Variants in SBK2 observed in about 807,000 individuals in gnomAD.
The protein encoded by SBK2 is SH3 domain binding kinase family member 2, also known as serine/threonine-protein kinase SBK2.
SBK2 carries 18 observed loss-of-function variants against 15.9 expected under a neutral mutation model. The observed-to-expected ratio is 1.13, with a 90% CI of 0.78 to 1.68. The LOEUF is 1.68. Among genes scored for constraint, SBK2 ranks in the 40% most tolerant of loss-of-function variants. The pLI is 0.00. For synonymous variants in SBK2, 284 were observed against 246.8 expected, an observed-to-expected ratio of 1.15 and a Z score of -1.41; for missense variants, 581 against 510.9, an observed-to-expected ratio of 1.14 and a Z score of -1.32.
In SBK2 at chr19:55,531,267, A is replaced by G. The variant is rs1988255530; in HGVS notation, c.332T>C (p.Leu111Pro). Residue 111 changes from leucine to proline, a missense_variant, in exon 3 of 4, where the codon CTC becomes CCC. Leu to Pro is a moderately conservative substitution (Grantham distance 98, BLOSUM62 -3). Transcript: ENST00000413299. The stretch of plus-strand genomic sequence containing the variant: ...GATGGCTGAGTGCGCGCCCAGCGAG[A>G]GCCCCACACAGAACTCGTACAGGAA... ...RGFLYEFCVGLSLGAHSAIVT... is the reference protein window; with the variant it reads ...RGFLYEFCVGPSLGAHSAIVT... 1 of 1,613,398 alleles carries G rather than the reference A, an allele frequency of 6.2e-7. No individual in the cohort carries two copies. Among genetic ancestry groups the G allele is most frequent in the African/African-American group, 1.3e-5 (1 of 74,838 alleles).
intron 1 of SBK2, among the ~76,000 whole-genome samples, chr19:55,536,518 G>T (rs760314510): frequency 7.0e-6 from 1 of 143,314 alleles, no homozygotes; most frequent in African/African-American, 2.5e-5. Context: ...GCCGCCACCC[G>T]CCCACCCTGA....
intron 3 of SBK2, 123 bp downstream of exon 3, chr19:55,531,020 G>C (rs1988243278): frequency 2.4e-6 from 2 of 849,322 alleles, no homozygotes; most frequent in African/African-American, 1.7e-5. Context: ...GGGGCCTCCG[G>C]GGGGTAGGGG....
At chr19:55,531,096 G>A in intron 3 of SBK2, 47 bp downstream of exon 3, 2 of 1,556,348 alleles carry the variant, frequency 1.3e-6, no homozygotes, top group South Asian at 2.2e-5. Flanking sequence ...GACGTTCCTG[G>A]GAGGCCGGTG....
Position 55,530,091 on chromosome 19 carries a change from G to T in SBK2, c.689C>A (p.Ala230Glu). Residue 230 changes from alanine (A) to glutamate (E), a missense_variant, in exon 4 of 4, where the codon GCG (alanine) becomes GAG (glutamate). Coordinates refer to ENST00000413299, the MANE Select transcript of SBK2 (RefSeq NM_001370096.2). ...CAGGCCCTCGGGGAGCGGCGGGGGC[G>T]CGCAGAGCTCGGGGGCCGTGTAGGG... ...PIPYTAPELC[A>E]PPPLPEGLPI... The T allele has an allele frequency of 6.9e-7, 1 of 1,443,570 alleles. No individual in the cohort carries two copies. Among genetic ancestry groups the T allele is most frequent in the Non-Finnish European group, 9.1e-7 (1 of 1,104,064 alleles). 89.4% of individuals were successfully genotyped at this position (1,443,570 alleles called of 1,614,324 possible).
chr19:55,529,896 C>T lies in SBK2; in HGVS notation c.884G>A (p.Gly295Asp). The part of the protein sequence containing the change: ...QPRDRPQPWF[G>D]LAAAADALLR... ...AAGCGCGTCGGCCGCGGCGGCCAGG[C>T]CGAACCAGGGCTGAGGGCGGTCCCG... Residue 295 changes from glycine (G) to aspartate (D), a missense_variant, in exon 4 of 4, where the codon GGC becomes GAC. Physicochemically the swap from Gly to Asp is moderately conservative, Grantham distance 94. Coordinates refer to ENST00000413299, the MANE Select transcript of SBK2 (RefSeq NM_001370096.2). The T allele has an allele frequency of 6.4e-7, 1 of 1,573,832 alleles. No individual in the cohort carries two copies. Among genetic ancestry groups the T allele is most frequent in the Non-Finnish European group, 8.6e-7 (1 of 1,162,858 alleles).
At chr19:55,533,448 G>C (rs551615456) in intron 2 of SBK2, among the ~76,000 whole-genome samples, 1 of 151,758 alleles carries the variant, frequency 6.6e-6, no homozygotes, top group Non-Finnish European at 1.5e-5. Context: ...AGGAGTTCAA[G>C]ACCAGCGTGG....
chr19:55,536,095 G>A lies in SBK2; in HGVS notation c.200C>T (p.Pro67Leu), dbSNP rs370962430. 276 of 1,527,690 alleles carry A rather than the reference G, an allele frequency of 1.8e-4. No homozygotes were observed. The highest frequency in any genetic ancestry group is 2.4e-4 in the Non-Finnish European group (269 of 1,131,720). The allele number at this position is 1,527,690 out of a possible 1,614,324, so 94.6% of individuals were successfully genotyped here. ...EVDELYEEVR[P>L]LGQGCYGRVL... ...GCGGCCATAGCAACCCTGGCCCAGGGGACGCACTTCCTCGTAGAGCTCGTC... is the reference window on the plus strand; with the variant it reads ...GCGGCCATAGCAACCCTGGCCCAGGAGACGCACTTCCTCGTAGAGCTCGTC... The change falls in exon 2 of 4, where the codon CCC becomes CTC. Residue 67 changes from proline (P) to leucine (L), a missense_variant. Pro to Leu is a moderately conservative substitution (Grantham distance 98). Coordinates refer to ENST00000413299, the MANE Select transcript of SBK2 (RefSeq NM_001370096.2).
chr19:55,531,204 G>T lies in SBK2; in HGVS notation c.395C>A (p.Ser132Tyr). ...GACGGGCTCCGTCAGGAAGCTGTAG[G>T]AGTGTGCCGACTCGATGCCAATGCC... The part of the protein sequence containing the change: ...AYGIGIESAH[S>Y]YSFLTEPVLH... The change falls in exon 3 of 4, where the codon TCC becomes TAC. Residue 132 changes from serine (S) to tyrosine (Y), a missense_variant. By Grantham distance (144) the Ser-to-Tyr change is moderately radical. Coordinates refer to ENST00000413299, the MANE Select transcript of SBK2 (RefSeq NM_001370096.2). The T allele has an allele frequency of 6.2e-7, 1 of 1,613,514 alleles. No homozygotes were observed. Among genetic ancestry groups the T allele is most frequent in the East Asian group, 2.2e-5 (1 of 44,874 alleles).
chr19:55,531,003 C>T (rs1301588506), intron 3 of SBK2, 140 bp downstream of exon 3: 28 of 722,510 alleles, frequency 3.9e-5, no homozygotes, highest in Non-Finnish European at 5.3e-5. Flanking sequence ...TCCTGTGGGC[C>T]CCACGAGGGG....
intron 2 of SBK2, among the ~76,000 whole-genome samples, chr19:55,534,311 G>A (rs1988342639): frequency 6.6e-6 from 1 of 152,160 alleles, no homozygotes; most frequent in South Asian, 2.1e-4. Context: ...GAGGACACAG[G>A]GAGAAGACGG....
intron 2 of SBK2, among the ~76,000 whole-genome samples, chr19:55,535,596 C>T (rs1988377291): frequency 6.6e-6 from 1 of 152,172 alleles, no homozygotes; most frequent in Admixed American, 6.5e-5. Context: ...TGGCAGGGCA[C>T]CGTGGCTCAT....
At position 55,529,823 on chromosome 19, in the gene SBK2, G is replaced by T. The variant is rs770812660; in HGVS notation, c.957C>A (p.Ile319=). The part of the protein sequence containing the change: ...DPHPRRRSAV[I]AIREHLGRPW... ...GGCGCCCCAGGTGCTCCCTGATGGC[G>T]ATCACAGCGCTCCTCCTTCGGGGGT... The change falls in exon 4 of 4, where the codon ATC becomes ATA. Residue 319 remains isoleucine (I), a synonymous_variant. Transcript: ENST00000413299. The T allele has an allele frequency of 6.2e-7, 1 of 1,604,384 alleles. No individual in the cohort carries two copies. The highest frequency in any genetic ancestry group is 2.2e-5 in the East Asian group (1 of 44,804).
intron 2 of SBK2, among the ~76,000 whole-genome samples, chr19:55,534,896 GCA>G (rs1988360601): frequency 6.6e-6 from 1 of 151,452 alleles, no homozygotes; most frequent in African/African-American, 2.4e-5. Context: ...ATGGTGGCAT[GCA>G]CCTGTAATCC....
intron 2 of SBK2, among the ~76,000 whole-genome samples, chr19:55,535,778 G>A (rs567377652): frequency 2.2e-4 from 34 of 152,334 alleles, no homozygotes; most frequent in African/African-American, 7.7e-4. Flanking sequence ...TAGCTACATG[G>A]GAGGCTGAGG....
chr19:55,536,034 C>T lies in SBK2; in HGVS notation c.253+8G>A. The stretch of plus-strand genomic sequence containing the variant: ...AACCCTGCCACCTCTGGCCCCACAG[C>T]CTCGTACCTTTCTGACGATGGGTGA... On this transcript the variant is annotated splice_region_variant and intron_variant, in intron 2 of 3. Transcript: ENST00000413299. 1 of 1,466,956 alleles carries T rather than the reference C, an allele frequency of 6.8e-7. No individual in the cohort carries two copies. The highest frequency in any genetic ancestry group is 9.1e-7 in the Non-Finnish European group (1 of 1,102,490). The allele number at this position is 1,466,956 out of a possible 1,614,324, so 90.9% of individuals were successfully genotyped here.
At position 55,529,634 on chromosome 19, in the gene SBK2, A is replaced by G; in HGVS notation, c.*99T>C. ...GAGGAGGACGCCGAGGGGAATCCCA[A>G]GCCCCATGGATGAAAACACACCGAG... On this transcript the variant is annotated 3_prime_UTR_variant, in exon 4 of 4. Coordinates refer to ENST00000413299, the MANE Select transcript of SBK2 (RefSeq NM_001370096.2). The G allele has an allele frequency of 6.9e-7, 1 of 1,456,768 alleles. No homozygotes were observed. The highest frequency in any genetic ancestry group is 9.1e-7 in the Non-Finnish European group (1 of 1,103,580). 90.2% of individuals were successfully genotyped at this position (1,456,768 alleles called of 1,614,324 possible).
chr19:55,533,166 A>G (rs1421536911), intron 2 of SBK2, among the ~76,000 whole-genome samples: 1 of 151,776 alleles, frequency 6.6e-6, no homozygotes, highest in East Asian at 1.9e-4. Context: ...CCCCATCTCT[A>G]CTAAAAAATA....
intron 3 of SBK2, 108 bp downstream of exon 3, chr19:55,531,035 C>T: frequency 3.9e-6 from 4 of 1,028,900 alleles, no homozygotes; most frequent in Non-Finnish European, 5.8e-6. Context: ...TAGGGGAGGC[C>T]CAGGGAGGCC....
chr19:55,531,024 G>GT, intron 3 of SBK2, 119 bp downstream of exon 3: 1 of 887,818 alleles, frequency 1.1e-6, no homozygotes, highest in Non-Finnish European at 1.8e-6. Context: ...CCTCCGGGGG[G>GT]TAGGGGAGGC....
Sources: allele counts gnomAD v4.1 joint callset (sites outside exome capture counted in the v4.1 genomes callset), GRCh38; gene constraint gnomAD v4.1.1; transcripts MANE v1.5; gene names NCBI Gene and HGNC (gene_info 2026-07-23, HGNC 2026-07-21).